The following DNAH10 variants were observed in gnomAD, a reference collection of about 807,000 sequenced individuals.
DNAH10 encodes dynein axonemal heavy chain 10, also known as axonemal beta dynein heavy chain 10.
DNAH10 carries 348 observed loss-of-function variants against 506.6 expected under a neutral mutation model. The observed-to-expected ratio is 0.69, with a 90% confidence interval of 0.63 to 0.75. The LOEUF is 0.75. DNAH10 is among the 30% of genes least tolerant of loss of function. DNAH10 has a pLI of 0.00. For synonymous variants in DNAH10, 2,059 were observed against 2,198.6 expected, an observed-to-expected ratio of 0.94 and a Z score of 1.78; for missense variants, 5,179 against 5,787.1, an observed-to-expected ratio of 0.89 and a Z score of 3.41.
Position 123,913,191 on chromosome 12 carries a change from T to G in DNAH10, c.10228T>G (p.Leu3410Val). 6.2e-7 allele frequency: 1 copy of G among 1,611,006 alleles called. No homozygotes were observed. ...LAAIQKELETLGAKYEAAILE... is the reference protein window; with the variant it reads ...LAAIQKELETVGAKYEAAILE... ...AGCAATTCAGAAAGAGCTGGAAACATTGGGTGCCAAATATGAGGCCGCCAT... is the reference window on the plus strand; with the variant it reads ...AGCAATTCAGAAAGAGCTGGAAACAGTGGGTGCCAAATATGAGGCCGCCAT... Residue 3410 changes from leucine to valine, a missense_variant, in exon 60 of 79, where the codon TTG becomes GTG. Physicochemically the swap from Leu to Val is conservative, Grantham distance 32 (BLOSUM62 1). Transcript: ENST00000673944. The surrounding 1 kb of genome is among the most constrained non-coding windows in gnomAD (Gnocchi z 5.1).
intron 30 of DNAH10, among the ~76,000 whole-genome samples, chr12:123,844,034 G>A (rs1287329358): frequency 6.6e-6 from 1 of 152,206 alleles, no homozygotes; most frequent in African/African-American, 2.4e-5. Flanking sequence ...AAAGAAAAAG[G>A]TTTAATTGAC....
chr12:123,897,681 C>A, intron 54 of DNAH10, 89 bp from the exon 55 acceptor site: 1 of 1,393,436 alleles, frequency 7.2e-7, no homozygotes, highest in Admixed American at 2.5e-5. Flanking sequence ...GCCATGATCA[C>A]GCCACTGCAC....
At position 123,908,140 on chromosome 12, in the gene DNAH10, T is replaced by TCTGTCTCCTCCCTGTCTCC. The variant is rs1566083039; in HGVS notation, c.9816-1102_9816-1084dup. On this transcript the variant is annotated intron_variant, in intron 57 of 78. Transcript: ENST00000673944. ...TGTCTCTCTGTCTCCTCCCTGTCTC[T>TCTGTCTCCTCCCTGTCTCC]CTGTCTCCTCCCTGTCTCCCTGTCT... 2.2e-4 allele frequency among the ~76,000 whole-genome samples: 23 copies of TCTGTCTCCTCCCTGTCTCC among 106,126 alleles called. 1 individual carries two copies. Among genetic ancestry groups the TCTGTCTCCTCCCTGTCTCC allele is most frequent in the African/African-American group, 6.9e-4 (16 of 23,188 alleles). The allele number at this position is 106,126 out of a possible 152,430, so 69.6% of individuals were successfully genotyped here. A position where few individuals can be genotyped will look rare whatever the true frequency, so the allele number is the denominator to read the frequency against.
intron 1 of DNAH10, among the ~76,000 whole-genome samples, chr12:123,763,730 A>G (rs1027937635): frequency 2.6e-5 from 4 of 151,182 alleles, no homozygotes; most frequent in African/African-American, 4.9e-5. Flanking sequence ...TGCCTGGCTA[A>G]TTTTTATATT....
intron 1 of DNAH10, among the ~76,000 whole-genome samples, chr12:123,763,228 C>G (rs528356475): frequency 4.6e-5 from 7 of 152,164 alleles, no homozygotes; most frequent in Non-Finnish European, 1.0e-4. Context: ...GAGGCGGATC[C>G]CCAGCCCCAC....
chr12:123,767,864 C>T (rs777325516), intron 2 of DNAH10, among the ~76,000 whole-genome samples, 175 bp downstream of exon 2: 10 of 152,194 alleles, frequency 6.6e-5, no homozygotes, highest in Non-Finnish European at 1.3e-4. Flanking sequence ...GCTGCTGTCA[C>T]AAGTGACCAC....
At position 123,785,895 on chromosome 12, in the gene DNAH10, TGAGA is replaced by T; in HGVS notation, c.1384_1387del (p.Arg462SerfsTer43). On this transcript the variant is annotated frameshift_variant, in exon 9 of 79. Transcript: ENST00000673944. LOFTEE classifies it high-confidence loss of function. The surrounding 1 kb of genome is among the most constrained non-coding windows in gnomAD (Gnocchi z 4.1). Reference sequence around the variant, plus strand: ...TGGAGCGCATCGCCTGGGAAATCGCTGAGAGAGTCTGCCGAGTGGTCAACCTGCG... The same window carrying T: ...TGGAGCGCATCGCCTGGGAAATCGCTGAGTCTGCCGAGTGGTCAACCTGCG... 1 of 1,614,064 alleles carries T rather than the reference TGAGA, an allele frequency of 6.2e-7. No homozygotes were observed. The highest frequency in any genetic ancestry group is 8.5e-7 in the Non-Finnish European group (1 of 1,179,896).
At chr12:123,845,075 A>C (rs897485980) in intron 30 of DNAH10, among the ~76,000 whole-genome samples, 2 of 152,180 alleles carry the variant, frequency 1.3e-5, no homozygotes, top group African/African-American at 4.8e-5. Flanking sequence ...ACAGTGCACA[A>C]TTGTAGTTGG....
At chr12:123,893,951 A>G (rs1313631081) in intron 53 of DNAH10, among the ~76,000 whole-genome samples, 1 of 152,180 alleles carries the variant, frequency 6.6e-6, no homozygotes, top group Non-Finnish European at 1.5e-5. Context: ...CCAGATGTCA[A>G]TAGCGCCAAG....
rs773432624 is a variant in DNAH10 at position 123,928,584 on chromosome 12, A to G, written c.12303A>G (p.Leu4101=). The change falls in exon 70 of 79, where the codon CTA becomes CTG. Residue 4101 remains leucine, a synonymous_variant. Coordinates refer to ENST00000673944, the MANE Select transcript of DNAH10 (RefSeq NM_001372106.1). The surrounding 1 kb of genome is among the most constrained non-coding windows in gnomAD (Gnocchi z 4.9). ...CCATTGGGATTCTGCAGAAGTCCCT[A>G]AAGGTCTGGCTTCAGGATGGACATC... is the stretch of plus-strand genomic sequence containing the variant. ...GFPIGILQKS[L]KVVTEPPNGL... is the part of the protein sequence containing the mutation. The G allele has an allele frequency of 6.3e-7, 1 of 1,597,086 alleles. No homozygotes were observed. The highest frequency in any genetic ancestry group is 2.3e-5 in the East Asian group (1 of 44,130).
At position 123,924,994 on chromosome 12, in the gene DNAH10, G is replaced by A. The variant is rs1954877933; in HGVS notation, c.11767-56G>A. On this transcript the variant is annotated intron_variant, in intron 67 of 78. Transcript: ENST00000673944. Reference sequence around the variant, plus strand: ...GCTTTTGCCACCTTCACACATAAATGGGGACCTATGTCATTTCTGAGTTGA... The same window carrying A: ...GCTTTTGCCACCTTCACACATAAATAGGGACCTATGTCATTTCTGAGTTGA... 2.5e-6 allele frequency: 4 copies of A among 1,598,596 alleles called. 1 individual carries two copies. In the Admixed American group the frequency reaches 6.8e-5, roughly 27 times the overall value.
chr12:123,796,284 C>A (rs891201151), intron 12 of DNAH10, among the ~76,000 whole-genome samples: 1 of 152,084 alleles, frequency 6.6e-6, no homozygotes, highest in Admixed American at 6.6e-5. Context: ...TGGGGAAACA[C>A]CATTTCTACC....
At chr12:123,884,052 G>A (rs1044203811) in intron 51 of DNAH10, among the ~76,000 whole-genome samples, 10 of 151,966 alleles carry the variant, frequency 6.6e-5, no homozygotes, top group South Asian at 2.1e-4. Flanking sequence ...CTTCGCCCCC[G>A]AGATGGAGTT....
At chr12:123,929,880 T>C in intron 72 of DNAH10, 121 bp downstream of exon 72, 1 of 840,904 alleles carries the variant, frequency 1.2e-6, no homozygotes, top group South Asian at 1.6e-5. Context: ...TCCCCTTGGG[T>C]TTCTGTGACA....
At position 123,830,691 on chromosome 12, in the gene DNAH10, A is replaced by G; in HGVS notation, c.4537A>G (p.Ile1513Val). Residue 1513 changes from isoleucine (I) to valine (V), a missense_variant, in exon 26 of 79, where the codon ATT becomes GTT. Around this residue, in one of 3 missense-constraint regions of DNAH10, gnomAD observed 4,844 missense variants for 5,430.5 expected, o/e 0.89. Transcript: ENST00000673944. ...IVTAAIKEVA[I>V]EKAVKEILDT... is the part of the protein sequence containing the mutation. ...CACAGCAGCAATCAAGGAGGTTGCC[A>G]TTGAGAAGGTAAGACTTCAGTTAAA... 1.2e-6 allele frequency: 2 copies of G among 1,609,910 alleles called. No individual in the cohort carries two copies. Among genetic ancestry groups the G allele is most frequent in the Admixed American group, 1.7e-5 (1 of 59,518 alleles).
At chr12:123,792,683 A>G (rs1958126163) in intron 11 of DNAH10, among the ~76,000 whole-genome samples, 1 of 151,768 alleles carries the variant, frequency 6.6e-6, no homozygotes, top group African/African-American at 2.4e-5. Flanking sequence ...CTGGTCTTGA[A>G]CTTCTGACTT....
At chr12:123,811,790 A>G (rs1444866524) in intron 19 of DNAH10, among the ~76,000 whole-genome samples, 1 of 152,032 alleles carries the variant, frequency 6.6e-6, no homozygotes, top group Non-Finnish European at 1.5e-5. Context: ...GGCGTGAGCC[A>G]CTGCGCCTGG....
intron 19 of DNAH10, among the ~76,000 whole-genome samples, chr12:123,809,978 C>T (rs1459551915): frequency 1.3e-5 from 2 of 152,136 alleles, no homozygotes; most frequent in African/African-American, 4.8e-5. Context: ...CCCGTCACCC[C>T]CCTCCCATCT....
In DNAH10 at chr12:123,870,491, T is replaced by C; in HGVS notation, c.7639+6T>C. The C allele has an allele frequency of 6.2e-7, 1 of 1,612,222 alleles. No homozygotes were observed. On this transcript the variant is annotated splice_donor_region_variant and intron_variant, in intron 44 of 78. Transcript: ENST00000673944. ...GAAATTCATCAACATCCTGGGTAAG[T>C]CAGAGTCAAATCCTTGTTCCTGGGT...
Sources: gnomAD v4.1 joint callset for allele counts (sites outside exome capture counted in the v4.1 genomes callset) on GRCh38, gnomAD v4.1.1 for gene constraint, gnomAD v4.1.1 regional missense constraint, Gnocchi (gnomAD v3.1) non-coding constraint, MANE v1.5 for transcripts, NCBI Gene and HGNC (gene_info 2026-07-23, HGNC 2026-07-21) for gene names.